AGTPBP1: variants seen among roughly 807,000 people sequenced by gnomAD.
AGTPBP1 encodes cytosolic carboxypeptidase 1.
Under a neutral mutation model 143.9 loss-of-function variants are expected in AGTPBP1, and 70 were observed. The observed-to-expected ratio is 0.49, with a 90% CI of 0.40 to 0.59. The LOEUF is 0.59. AGTPBP1 is among the 20% of genes least tolerant of loss of function. The pLI is 0.00. For synonymous variants in AGTPBP1, 463 were observed against 500.2 expected (o/e 0.93, Z 0.99); for missense variants, 1,229 against 1,464.5 (o/e 0.84, Z 2.62).
chr9:85,735,715 G>C (rs1409075824), intron 1 of AGTPBP1, among the ~76,000 whole-genome samples: 1 of 152,166 alleles, frequency 6.6e-6, no homozygotes, highest in Non-Finnish European at 1.5e-5. Flanking sequence ...AAGGAGTCTA[G>C]AAAGTGTGTT....
At chr9:85,704,050 G>A (rs973539443) in intron 2 of AGTPBP1, among the ~76,000 whole-genome samples, 2 of 152,178 alleles carry the variant, frequency 1.3e-5, no homozygotes, top group Non-Finnish European at 2.9e-5. Flanking sequence ...GTTACCACCT[G>A]AAAACTAAAG....
intron 2 of AGTPBP1, among the ~76,000 whole-genome samples, chr9:85,693,349 C>G (rs570362087): frequency 6.6e-6 from 1 of 152,296 alleles, no homozygotes; most frequent in African/African-American, 2.4e-5. Flanking sequence ...ACCTGTAAAC[C>G]CAGCACTTTG....
chr9:85,646,090 G>A (rs1039096010), intron 12 of AGTPBP1, among the ~76,000 whole-genome samples: 1 of 152,148 alleles, frequency 6.6e-6, no homozygotes, highest in East Asian at 1.9e-4. Context: ...AGAAAGGTTA[G>A]ATAAAATCTT....
intron 2 of AGTPBP1, among the ~76,000 whole-genome samples, chr9:85,704,113 G>A (rs1836837623): frequency 6.6e-6 from 1 of 152,180 alleles, no homozygotes; most frequent in Admixed American, 6.5e-5. Flanking sequence ...AAATAAATGA[G>A]GTAAACCAAG....
At chr9:85,756,119 G>T in the AGTPBP1 span, 1 of 1,608,974 alleles carries the variant, frequency 6.2e-7, no homozygotes, top group Non-Finnish European at 8.5e-7. Flanking sequence ...AGTAGAGAAA[G>T]TTCTGAACCA....
chr9:85,747,349 T>C, the AGTPBP1 span, among the ~76,000 whole-genome samples: 1 of 152,224 alleles, frequency 6.6e-6, no homozygotes, highest in South Asian at 2.1e-4. Flanking sequence ...TGATTTTGGC[T>C]ATTCAGGGCC....
At chr9:85,732,836 A>T (rs954665018) in intron 1 of AGTPBP1, among the ~76,000 whole-genome samples, 1 of 152,172 alleles carries the variant, frequency 6.6e-6, no homozygotes, top group Non-Finnish European at 1.5e-5. Flanking sequence ...GGGCTATACT[A>T]GTATCAGACA....
intron 3 of AGTPBP1, among the ~76,000 whole-genome samples, chr9:85,691,047 T>C (rs377499734): frequency 1.1e-4 from 17 of 152,294 alleles, no homozygotes; most frequent in Middle Eastern, 3.4e-3. Flanking sequence ...TTTTGTTTGG[T>C]TGGTTTTTTT....
rs1829044180 is a variant in AGTPBP1 at position 85,592,638 on chromosome 9, T to C, written c.2490A>G (p.Thr830=). The change falls in exon 19 of 26, where the codon ACA becomes ACG. Residue 830 remains threonine (T), a synonymous_variant. Transcript: ENST00000357081. The part of the protein sequence containing the change: ...GQKGKSYYTI[T]FTVNFPHKDD... ...CTTTATGTGGAAAATTGACAGTAAA[T>C]GTAATTGTATAGTAGGATTTTCCCT... is the stretch of plus-strand genomic sequence containing the variant. 5 of 1,612,346 alleles carry C rather than the reference T, an allele frequency of 3.1e-6. No homozygotes were observed. The highest frequency in any genetic ancestry group is 4.2e-6 in the Non-Finnish European group (5 of 1,179,272).
At chr9:85,654,186 AAG>A (rs199901535) in intron 11 of AGTPBP1, among the ~76,000 whole-genome samples, 1,594 of 152,238 alleles carry the variant, frequency 0.01, 25 homozygotes, top group African/African-American at 0.036. Context: ...TTTCTCAAAA[AAG>A]TAATAAACTG....
chr9:85,581,523 T>TAATTAATTC (rs1319026440), intron 23 of AGTPBP1, among the ~76,000 whole-genome samples: 1 of 152,244 alleles, frequency 6.6e-6, no homozygotes, highest in Non-Finnish European at 1.5e-5. Flanking sequence ...TCTATAGTTA[T>TAATTAATTC]AATTAATTCA....
At chr9:85,682,556 A>G (rs1346359211) in intron 3 of AGTPBP1, among the ~76,000 whole-genome samples, 1 of 152,246 alleles carries the variant, frequency 6.6e-6, no homozygotes, top group Non-Finnish European at 1.5e-5. Flanking sequence ...GCCAGAAATT[A>G]TTCTAATACA....
chr9:85,692,681 A>G lies in AGTPBP1; in HGVS notation c.157+8T>C, dbSNP rs777663448. 3 of 1,612,276 alleles carry G rather than the reference A, an allele frequency of 1.9e-6. No individual in the cohort carries two copies. Among genetic ancestry groups the G allele is most frequent in the Non-Finnish European group, 2.5e-6 (3 of 1,179,518 alleles). On this transcript the variant is annotated splice_region_variant and intron_variant, in intron 3 of 25. Coordinates refer to ENST00000357081, the MANE Select transcript of AGTPBP1 (RefSeq NM_001330701.2). The stretch of plus-strand genomic sequence containing the variant: ...CATTTCAAAAACAAAGAAGAGATCA[A>G]TGTTTACCTTGACTCTGAGCCAGAT...
chr9:85,653,270 G>C (rs574902562), intron 11 of AGTPBP1, among the ~76,000 whole-genome samples: 1 of 151,942 alleles, frequency 6.6e-6, no homozygotes, highest in East Asian at 1.9e-4. Flanking sequence ...AAAACAGAAT[G>C]AGAGTATTTT....
chr9:85,662,894 A>G (rs1275750726), intron 8 of AGTPBP1, among the ~76,000 whole-genome samples: 4 of 151,506 alleles, frequency 2.6e-5, no homozygotes, highest in Non-Finnish European at 5.9e-5. Flanking sequence ...TTTTAAATGG[A>G]CAAAATGGAA....
intron 1 of AGTPBP1, chr9:85,741,519 C>A (rs954262242): frequency 1.0e-6 from 1 of 985,286 alleles, no homozygotes; most frequent in Non-Finnish European, 1.2e-6. Context: ...GGGGATCCAC[C>A]GAGGGTCCGG....
the AGTPBP1 span, among the ~76,000 whole-genome samples, chr9:85,784,562 T>C: frequency 6.6e-6 from 1 of 152,144 alleles, no homozygotes; most frequent in East Asian, 1.9e-4. Context: ...CATAAACCAC[T>C]GCACCCAGCT....
At chr9:85,686,442 C>G (rs1835492522) in intron 3 of AGTPBP1, among the ~76,000 whole-genome samples, 1 of 152,068 alleles carries the variant, frequency 6.6e-6, no homozygotes, top group Non-Finnish European at 1.5e-5. Flanking sequence ...TATCTTCACC[C>G]TCTTATAGCC....
chr9:85,618,232 CAAA>C (rs35683850), intron 17 of AGTPBP1, among the ~76,000 whole-genome samples: 2 of 107,528 alleles, frequency 1.9e-5, no homozygotes. Flanking sequence ...AACTCCATCT[CAAA>C]AAAAAAAAAA....
Sources: gnomAD v4.1 joint callset for allele counts (sites outside exome capture counted in the v4.1 genomes callset) on GRCh38, gnomAD v4.1.1 for gene constraint, MANE v1.5 for transcripts, NCBI Gene and HGNC (gene_info 2026-07-23, HGNC 2026-07-21) for gene names.